NCOA3: variants seen among roughly 807,000 people sequenced by gnomAD.
NCOA3 encodes the protein nuclear receptor coactivator 3.
In NCOA3, 51 loss-of-function variants were observed where a neutral mutation model predicts 158.8. That is an observed-to-expected ratio of 0.32 (90% confidence interval 0.26 to 0.41). The LOEUF is 0.41. NCOA3 is among the 10% of genes least tolerant of loss of function. The probability of loss-of-function intolerance (pLI) is 1.00; values close to 1 mark genes in which losing one functional copy is unlikely to be tolerated. For synonymous variants in NCOA3, 537 were observed against 592.4 expected (o/e 0.91, Z 1.36); for missense variants, 1,510 against 1,746.6 (o/e 0.86, Z 2.41).
intron 9 of NCOA3, 161 bp from the exon 10 acceptor site, chr20:47,633,887 C>T: frequency 2.1e-6 from 2 of 942,486 alleles, no homozygotes; most frequent in South Asian, 1.7e-5. Context: ...GAAAATGATG[C>T]CTGAGTGTTC....
At chr20:47,630,993 T>G (rs2042158225) in intron 8 of NCOA3, 1 of 152,254 alleles carries the variant, frequency 6.6e-6, no homozygotes, top group Admixed American at 6.5e-5. Flanking sequence ...AGGAGCTTCC[T>G]ATGAAGTCTG....
chr20:47,611,528 A>G (rs2086043456), intron 2 of NCOA3, among the ~76,000 whole-genome samples: 1 of 152,182 alleles, frequency 6.6e-6, no homozygotes, highest in South Asian at 2.1e-4. Flanking sequence ...GGCCGGGCTC[A>G]TGCCTGTAAT....
At chr20:47,608,100 C>CAGGAGTTGG (rs1380359136) in intron 2 of NCOA3, among the ~76,000 whole-genome samples, 1 of 152,120 alleles carries the variant, frequency 6.6e-6, no homozygotes, top group Non-Finnish European at 1.5e-5. Context: ...CACCTGAGGT[C>CAGGAGTTGG]AGGAGTTTGA....
chr20:47,587,763 C>T (rs13040335), intron 2 of NCOA3, among the ~76,000 whole-genome samples: 31,277 of 151,838 alleles, frequency 0.21, 3,716 homozygotes, highest in Middle Eastern at 0.31. Flanking sequence ...TACAGAGGGC[C>T]GACTTCGCAT....
intron 1 of NCOA3, among the ~76,000 whole-genome samples, chr20:47,572,689 A>G (rs898407051): frequency 1.3e-5 from 2 of 152,038 alleles, no homozygotes; most frequent in Non-Finnish European, 2.9e-5. Context: ...GGTGTGCGCC[A>G]CCAGACCCAG....
intron 1 of NCOA3, among the ~76,000 whole-genome samples, chr20:47,574,664 C>G (rs528439204): frequency 4.6e-5 from 7 of 152,272 alleles, no homozygotes; most frequent in African/African-American, 1.7e-4. Flanking sequence ...AACTTTTAGG[C>G]CACCCTTGGT....
rs374578426 is a variant in NCOA3 at position 47,593,302 on chromosome 20, A to G, written c.-20+10041A>G. Among the ~76,000 whole-genome samples, 5 of 140,510 alleles carry G rather than the reference A, an allele frequency of 3.6e-5. No homozygotes were observed. The East Asian group carries it at 8.3e-4, about 23-fold the overall frequency. The allele number at this position is 140,510 out of a possible 152,430, so 92.2% of individuals were successfully genotyped here. A position where few individuals can be genotyped will look rare whatever the true frequency, so the allele number is the denominator to read the frequency against. On this transcript the variant is annotated intron_variant, in intron 2 of 22. Coordinates refer to ENST00000371998, the MANE Select transcript of NCOA3 (RefSeq NM_181659.3). ...GTATCATTCATTGTCTCGGAAATTA[A>G]CTCTTTGGAGTACCTCCTCTTGAGT...
chr20:47,512,893 C>T (rs551887046), intron 1 of NCOA3, among the ~76,000 whole-genome samples: 1 of 152,254 alleles, frequency 6.6e-6, no homozygotes, highest in South Asian at 2.1e-4. Context: ...TGCAGTGGCT[C>T]AAGCCTGTAA....
chr20:47,507,581 A>G (rs2084049029), intron 1 of NCOA3, among the ~76,000 whole-genome samples: 2 of 151,694 alleles, frequency 1.3e-5, no homozygotes. Flanking sequence ...TTTAAATTTA[A>G]CCCTGATCCT....
intron 1 of NCOA3, among the ~76,000 whole-genome samples, chr20:47,545,258 C>G (rs1038611387): frequency 2.0e-5 from 3 of 148,854 alleles, no homozygotes; most frequent in Non-Finnish European, 3.0e-5. Flanking sequence ...CTCACTGCAA[C>G]CTCTGTCTTC....
chr20:47,556,181 C>T (rs956461889), intron 1 of NCOA3, among the ~76,000 whole-genome samples: 6 of 147,742 alleles, frequency 4.1e-5, no homozygotes, highest in Non-Finnish European at 7.5e-5. Flanking sequence ...GCATTCCACC[C>T]GCCTTGGCCT....
intron 1 of NCOA3, among the ~76,000 whole-genome samples, chr20:47,511,557 T>TATATATA (rs2084140744): frequency 1.3e-4 from 1 of 7,514 alleles, no homozygotes; most frequent in African/African-American, 2.0e-4. Context: ...ATATATATAT[T>TATATATA]TCTTTTTTTT....
chr20:47,577,568 T>G (rs189059299), intron 1 of NCOA3, among the ~76,000 whole-genome samples: 54 of 152,340 alleles, frequency 3.5e-4, no homozygotes, highest in Admixed American at 1.7e-3. Context: ...TAGCAGATGC[T>G]TACTGAATGA....
intron 2 of NCOA3, among the ~76,000 whole-genome samples, chr20:47,621,311 G>A (rs1354238118): frequency 6.6e-6 from 1 of 151,470 alleles, no homozygotes; most frequent in African/African-American, 2.4e-5. Flanking sequence ...AGCATCTTGA[G>A]TGAATTTTTT....
At chr20:47,616,928 TAAG>T (rs2086149004) in intron 2 of NCOA3, among the ~76,000 whole-genome samples, 1 of 152,170 alleles carries the variant, frequency 6.6e-6, no homozygotes, top group East Asian at 1.9e-4. Context: ...GAGTCAGAAT[TAAG>T]AAGGGACTCT....
chr20:47,653,601 T>A lies in NCOA3; in HGVS notation c.*184T>A. The stretch of plus-strand genomic sequence containing the variant: ...GGATTTTAAGCCGAAGGGCAATATC[T>A]ACGTGTTTTTCCCCCCTCCTTCTGC... On this transcript the variant is annotated 3_prime_UTR_variant, in exon 23 of 23. Coordinates refer to ENST00000371998, the MANE Select transcript of NCOA3 (RefSeq NM_181659.3). 1.4e-6 allele frequency: 1 copy of A among 708,646 alleles called. No homozygotes were observed. The highest frequency in any genetic ancestry group is 2.4e-6 in the Non-Finnish European group (1 of 417,148). 43.9% of individuals were successfully genotyped at this position (708,646 alleles called of 1,614,324 possible).
At chr20:47,551,670 T>C (rs916766581) in intron 1 of NCOA3, among the ~76,000 whole-genome samples, 2 of 152,172 alleles carry the variant, frequency 1.3e-5, no homozygotes, top group African/African-American at 2.4e-5. Context: ...ATTAAAATAG[T>C]GGTGATTCTG....
At chr20:47,638,200 G>C (rs1375947086) in intron 13 of NCOA3, among the ~76,000 whole-genome samples, 1 of 152,172 alleles carries the variant, frequency 6.6e-6, no homozygotes, top group Non-Finnish European at 1.5e-5. Context: ...TTTGGTGTTT[G>C]CTGGTTCTTA....
rs565293447 is a variant in NCOA3 at position 47,524,696 on chromosome 20, C to G, written c.-99+22677C>G. On this transcript the variant is annotated intron_variant, in intron 1 of 22. Transcript: ENST00000371998. ...CCAAAGCCAAAAGAGGAGGTCCCCC[C>G]AGTATACAGATCTTATAAAGCTTCT... 2.5e-3 allele frequency among the ~76,000 whole-genome samples: 382 copies of G among 152,310 alleles called. 1 individual carries two copies. Among genetic ancestry groups the G allele is most frequent in the Middle Eastern group, 0.02 (6 of 294 alleles).
Sources: allele counts gnomAD v4.1 joint callset (sites outside exome capture counted in the v4.1 genomes callset), GRCh38; gene constraint gnomAD v4.1.1; transcripts MANE v1.5; gene names NCBI Gene and HGNC (gene_info 2026-07-23, HGNC 2026-07-21).